The following FAM83B variants were observed in gnomAD, a reference collection of about 807,000 sequenced individuals.
FAM83B encodes scaffolding CK1 anchoring protein B.
FAM83B carries 26 observed loss-of-function variants against 38.8 expected under a neutral mutation model. The observed-to-expected ratio is 0.67, with a 90% CI of 0.49 to 0.93. The LOEUF (loss-of-function observed/expected upper bound fraction) is 0.93. FAM83B is among the 40% of genes least tolerant of loss of function. FAM83B has a pLI of 0.00. For synonymous variants in FAM83B, 419 were observed against 423.1 expected (o/e 0.99, Z 0.12); for missense variants, 1,237 against 1,197.3 (o/e 1.03, Z -0.49).
intron 1 of FAM83B, among the ~76,000 whole-genome samples, chr6:54,860,892 A>G (rs370555860): frequency 1.3e-5 from 2 of 152,198 alleles, no homozygotes; most frequent in East Asian, 1.9e-4. Flanking sequence ...TGTTCACAGC[A>G]TGTTAACCAC....
At chr6:54,856,560 T>C (rs1204523248) in intron 1 of FAM83B, among the ~76,000 whole-genome samples, 1 of 151,944 alleles carries the variant, frequency 6.6e-6, no homozygotes, top group Non-Finnish European at 1.5e-5. Context: ...CAGCAGCATT[T>C]TACACATTTA....
rs1260631714 is a variant in FAM83B, at chr6:54,941,121, TGGA to T, written c.2157_2159del (p.Glu719del). The T allele has an allele frequency of 1.2e-6, 2 of 1,613,658 alleles. No homozygotes were observed. The highest frequency in any genetic ancestry group is 2.7e-5 in the African/African-American group (2 of 74,902). ...AGCATGCACAATGTGACTCATAACT[TGGA>T]GGAGGATGAGGAGGAAGTTACCAAG... On this transcript the variant is annotated inframe_deletion, in exon 5 of 5. Transcript: ENST00000306858.
At position 54,904,826 on chromosome 6, in the gene FAM83B, G is replaced by A. The variant is rs527721775; in HGVS notation, c.445-21545G>A. Reference sequence around the variant, plus strand: ...GGGTGGCAAATACTACCAGCTTTGTGGAGAAGGCAAGCAGTAAAAAGAAGC... The same window carrying A: ...GGGTGGCAAATACTACCAGCTTTGTAGAGAAGGCAAGCAGTAAAAAGAAGC... On this transcript the variant is annotated intron_variant, in intron 2 of 4. Coordinates refer to ENST00000306858, the MANE Select transcript of FAM83B (RefSeq NM_001010872.3). 1.5e-4 allele frequency among the ~76,000 whole-genome samples: 23 copies of A among 152,218 alleles called. No individual in the cohort carries two copies. In the South Asian group the frequency reaches 4.4e-3, roughly 29 times the overall value.
At chr6:54,858,438 G>C (rs1344060625) in intron 1 of FAM83B, among the ~76,000 whole-genome samples, 1 of 152,142 alleles carries the variant, frequency 6.6e-6, no homozygotes, top group Non-Finnish European at 1.5e-5. Flanking sequence ...GCCTTACACT[G>C]TTCTGTTATA....
At chr6:54,874,121 A>G (rs1349089116) in intron 2 of FAM83B, among the ~76,000 whole-genome samples, 1 of 152,098 alleles carries the variant, frequency 6.6e-6, no homozygotes, top group Non-Finnish European at 1.5e-5. Flanking sequence ...CTTAAGTTAT[A>G]TAGTTAAATG....
rs753622094 is a variant in FAM83B at position 54,940,770 on chromosome 6, C to T, written c.1799C>T (p.Pro600Leu). The change falls in exon 5 of 5, where the codon CCC becomes CTC. Residue 600 changes from proline (P) to leucine (L), a missense_variant. Coordinates refer to ENST00000306858, the MANE Select transcript of FAM83B (RefSeq NM_001010872.3). ...LTDKPLPESI[P>L]KLPLQSEAPK... Reference sequence around the variant, plus strand: ...GACAAACCCTTGCCAGAATCAATCCCCAAGCTCCCATTGCAGTCAGAGGCA... The same window carrying T: ...GACAAACCCTTGCCAGAATCAATCCTCAAGCTCCCATTGCAGTCAGAGGCA... 7 of 1,613,992 alleles carry T rather than the reference C, an allele frequency of 4.3e-6. No homozygotes were observed. The Admixed American group carries it at 1.0e-4, about 23-fold the overall frequency.
intron 2 of FAM83B, among the ~76,000 whole-genome samples, chr6:54,921,495 C>T (rs758915135): frequency 2.6e-5 from 4 of 151,828 alleles, no homozygotes; most frequent in Non-Finnish European, 5.9e-5. Context: ...TAAAAATGAC[C>T]TGGGGTAGCG....
chr6:54,887,832 A>G (rs1772313546), intron 2 of FAM83B, among the ~76,000 whole-genome samples: 1 of 151,746 alleles, frequency 6.6e-6, no homozygotes, highest in South Asian at 2.1e-4. Flanking sequence ...TATGCTATAT[A>G]TTTTCATCCC....
chr6:54,847,873 A>G lies in FAM83B; in HGVS notation c.-61+1047A>G, dbSNP rs139834263. Reference sequence around the variant, plus strand: ...GAAGAAGGTGTGCGGGTGGCAAGCAATTGAGGCTAGAATTTAATGCTCAAC... The same window carrying G: ...GAAGAAGGTGTGCGGGTGGCAAGCAGTTGAGGCTAGAATTTAATGCTCAAC... On this transcript the variant is annotated intron_variant, in intron 1 of 4. Coordinates refer to ENST00000306858, the MANE Select transcript of FAM83B (RefSeq NM_001010872.3). 2.7e-3 allele frequency among the ~76,000 whole-genome samples: 418 copies of G among 152,214 alleles called. 3 individuals are homozygous for G. Among genetic ancestry groups the G allele is most frequent in the African/African-American group, 9.2e-3 (381 of 41,528 alleles).
rs1773735062 is a variant in FAM83B at position 54,942,796 on chromosome 6, C to A, written c.*789C>A. ...AATTTAGAAAATCTGAATGATTCCC[C>A]CTCCTTTTTCTATTGTATAAAAGCT... On this transcript the variant is annotated 3_prime_UTR_variant, in exon 5 of 5. Coordinates refer to ENST00000306858, the MANE Select transcript of FAM83B (RefSeq NM_001010872.3). Among the ~76,000 whole-genome samples the A allele has an allele frequency of 6.6e-6, 1 of 151,754 alleles. No homozygotes were observed. The highest frequency in any genetic ancestry group is 2.4e-5 in the African/African-American group (1 of 41,142).
intron 2 of FAM83B, among the ~76,000 whole-genome samples, chr6:54,923,111 G>A (rs542502237): frequency 2.0e-5 from 3 of 151,918 alleles, no homozygotes; most frequent in East Asian, 1.9e-4. Flanking sequence ...TATCATTCAC[G>A]GCCATTTTTT....
intron 1 of FAM83B, among the ~76,000 whole-genome samples, chr6:54,867,157 T>C (rs924500576): frequency 6.6e-6 from 1 of 151,650 alleles, no homozygotes; most frequent in African/African-American, 2.4e-5. Flanking sequence ...TTTTTAATAG[T>C]TATTAATAAA....
At chr6:54,846,658 C>T (rs1417948989), upstream of FAM83B, 2 of 152,326 alleles carry the variant, frequency 1.3e-5, no homozygotes, top group East Asian at 1.9e-4. Flanking sequence ...CACCTTGTCT[C>T]GGGGAGGCGC....
In FAM83B at chr6:54,906,004, T is replaced by A. The variant is rs188354470; in HGVS notation, c.445-20367T>A. 3.2e-3 allele frequency among the ~76,000 whole-genome samples: 481 copies of A among 151,914 alleles called. 5 individuals are homozygous for A. Among genetic ancestry groups the A allele is most frequent in the African/African-American group, 0.011 (448 of 41,430 alleles). ...TTCTATACAGAATAGTTTATATATA[T>A]TCTCCCTGACACTATCCTTTTGCCT... On this transcript the variant is annotated intron_variant, in intron 2 of 4. Transcript: ENST00000306858.
At chr6:54,935,731 A>G (rs1773511584) in intron 4 of FAM83B, among the ~76,000 whole-genome samples, 1 of 152,094 alleles carries the variant, frequency 6.6e-6, no homozygotes, top group Non-Finnish European at 1.5e-5. Context: ...AAATGAGAAC[A>G]CTAAGAGTCA....
chr6:54,928,423 T>C (rs1309058742), intron 4 of FAM83B, among the ~76,000 whole-genome samples: 1 of 152,208 alleles, frequency 6.6e-6, no homozygotes, highest in Non-Finnish European at 1.5e-5. Context: ...TTTGCTCCGC[T>C]ATAAAATAAA....
At chr6:54,915,469 A>G (rs543879087) in intron 2 of FAM83B, among the ~76,000 whole-genome samples, 2 of 152,218 alleles carry the variant, frequency 1.3e-5, no homozygotes, top group South Asian at 2.1e-4. Flanking sequence ...ATCTCATGCT[A>G]GACTAGGACT....
At chr6:54,872,663 T>G (rs759659648) in intron 2 of FAM83B, among the ~76,000 whole-genome samples, 1 of 152,310 alleles carries the variant, frequency 6.6e-6, no homozygotes, top group Non-Finnish European at 1.5e-5. Context: ...GTCATGATCT[T>G]TTGATGTATT....
chr6:54,866,937 A>C (rs4715488), intron 1 of FAM83B, among the ~76,000 whole-genome samples: 138,675 of 152,024 alleles, frequency 0.91, 63,494 homozygotes, highest in East Asian at 1. Flanking sequence ...TTTCTACTTG[A>C]TACAAATGAC....
Sources: gnomAD v4.1 joint callset for allele counts (sites outside exome capture counted in the v4.1 genomes callset) on GRCh38, gnomAD v4.1.1 for gene constraint, MANE v1.5 for transcripts, NCBI Gene and HGNC (gene_info 2026-07-23, HGNC 2026-07-21) for gene names.